Variants in NFU1 observed in about 807,000 individuals in gnomAD.
The protein encoded by NFU1 is NFU1 iron-sulfur cluster scaffold.
A neutral mutation model predicts 32.2 loss-of-function variants in NFU1; 30 were observed. The ratio of observed to expected loss-of-function variants is 0.93; its 90% confidence interval spans 0.70 to 1.26. The LOEUF (loss-of-function observed/expected upper bound fraction) is 1.26. NFU1 is among the 50% of genes most tolerant of loss of function. NFU1 has a pLI of 0.00. For synonymous variants in NFU1, 112 were observed against 104.6 expected (o/e 1.07, Z -0.43); for missense variants, 306 against 306.6 (o/e 1.00, Z 0.02).
At chr2:69,432,385 A>G (rs955121441) in intron 1 of NFU1, among the ~76,000 whole-genome samples, 4 of 151,780 alleles carry the variant, frequency 2.6e-5, no homozygotes, top group Non-Finnish European at 4.4e-5. Context: ...GACCAGCCTG[A>G]CCAACATGGA....
chr2:69,415,320 A>T (rs774943458), intron 4 of NFU1, 21 bp from the exon 5 acceptor site: 3 of 1,440,770 alleles, frequency 2.1e-6, no homozygotes, highest in Non-Finnish European at 2.9e-6. Flanking sequence ...TTAAAGGAAA[A>T]TGCTGTATTT....
At chr2:69,404,351 G>C (rs112913113) in intron 6 of NFU1, among the ~76,000 whole-genome samples, 5 of 149,834 alleles carry the variant, frequency 3.3e-5, no homozygotes, top group Admixed American at 6.6e-5. Flanking sequence ...AATTAGCTGG[G>C]TGTGGTGGTA....
chr2:69,429,010 C>T (rs1310194633), intron 2 of NFU1, among the ~76,000 whole-genome samples: 1 of 152,122 alleles, frequency 6.6e-6, no homozygotes, highest in Non-Finnish European at 1.5e-5. Flanking sequence ...GACAACCAGA[C>T]AATTCCTAAA....
chr2:69,427,192 C>T (rs1673487428), intron 2 of NFU1, among the ~76,000 whole-genome samples: 1 of 149,052 alleles, frequency 6.7e-6, no homozygotes, highest in East Asian at 2.0e-4. Context: ...TCCTGACCAG[C>T]CTGGCCAACA....
chr2:69,423,499 ATAGT>A, intron 3 of NFU1, 79 bp downstream of exon 3: 1 of 1,253,084 alleles, frequency 8.0e-7, no homozygotes, highest in African/African-American at 1.5e-5. Context: ...TAGAAATGCA[ATAGT>A]TAAACAGAGT....
intron 5 of NFU1, among the ~76,000 whole-genome samples, chr2:69,413,308 C>A (rs1199189054): frequency 1.3e-4 from 17 of 132,996 alleles, no homozygotes; most frequent in Admixed American, 4.5e-4. Flanking sequence ...GAAAAAAAAA[C>A]AAGGTACCAT....
chr2:69,418,568 G>A (rs567769367), intron 4 of NFU1, among the ~76,000 whole-genome samples: 3 of 152,188 alleles, frequency 2.0e-5, no homozygotes, highest in South Asian at 2.1e-4. Flanking sequence ...CCGGGTTCAC[G>A]CCATTCTCCT....
chr2:69,402,033 A>G (rs570671879), intron 6 of NFU1, among the ~76,000 whole-genome samples: 9 of 152,084 alleles, frequency 5.9e-5, no homozygotes, highest in Non-Finnish European at 1.3e-4. Context: ...AGCTGGGATC[A>G]CAGGCATGCA....
At chr2:69,399,075 G>T (rs552235675) in intron 7 of NFU1, among the ~76,000 whole-genome samples, 1 of 151,984 alleles carries the variant, frequency 6.6e-6, no homozygotes, top group African/African-American at 2.4e-5. Context: ...AAAAATGGTG[G>T]CATGTGCCTG....
chr2:69,433,730 C>T (rs1377952255), intron 1 of NFU1, among the ~76,000 whole-genome samples: 5 of 152,186 alleles, frequency 3.3e-5, no homozygotes, highest in African/African-American at 1.2e-4. Context: ...CCTGCCTTGG[C>T]CTCCCAAAAT....
At chr2:69,435,634 G>A (rs1383611295) in intron 1 of NFU1, among the ~76,000 whole-genome samples, 2 of 152,264 alleles carry the variant, frequency 1.3e-5, no homozygotes. Flanking sequence ...GATTGGCACC[G>A]AGGATTCAAG....
chr2:69,396,333 A>T (rs1350391497), intron 7 of NFU1, 43 bp from the exon 8 acceptor site: 6 of 1,474,032 alleles, frequency 4.1e-6, no homozygotes, highest in Non-Finnish European at 5.6e-6. Context: ...TAAGAAAATG[A>T]TTAGATTTTG....
chr2:69,426,454 T>G (rs1481101541), intron 2 of NFU1, among the ~76,000 whole-genome samples: 3 of 151,772 alleles, frequency 2.0e-5, no homozygotes, highest in Non-Finnish European at 4.4e-5. Context: ...CCCAGCTAAT[T>G]TTTGTATTTT....
intron 1 of NFU1, among the ~76,000 whole-genome samples, chr2:69,435,580 C>T (rs1673801821): frequency 6.6e-6 from 1 of 152,110 alleles, no homozygotes; most frequent in Non-Finnish European, 1.5e-5. Flanking sequence ...TACTGTGGGA[C>T]TGTAACCCAT....
intron 1 of NFU1, among the ~76,000 whole-genome samples, chr2:69,432,585 A>G (rs1478135937): frequency 1.3e-5 from 2 of 152,086 alleles, no homozygotes; most frequent in Non-Finnish European, 2.9e-5. Context: ...AAAAAAAAAA[A>G]GAAACAGAAT....
chr2:69,418,125 C>T (rs187298825), intron 4 of NFU1, among the ~76,000 whole-genome samples: 19 of 152,182 alleles, frequency 1.2e-4, no homozygotes, highest in African/African-American at 3.6e-4. Context: ...GGGGGCTGGA[C>T]GTGGTGGTTC....
chr2:69,411,603 T>A (rs1261994754), intron 5 of NFU1, among the ~76,000 whole-genome samples: 1 of 152,156 alleles, frequency 6.6e-6, no homozygotes, highest in East Asian at 1.9e-4. Flanking sequence ...CTTTTTATTT[T>A]TTTTTAAGAG....
chr2:69,404,889 G>A (rs1011328669), intron 6 of NFU1, among the ~76,000 whole-genome samples: 1 of 151,164 alleles, frequency 6.6e-6, no homozygotes, highest in Non-Finnish European at 1.5e-5. Flanking sequence ...CAAACAGCTG[G>A]GATTACAAGC....
At chr2:69,411,937 A>G (rs1672894101) in intron 5 of NFU1, among the ~76,000 whole-genome samples, 1 of 152,168 alleles carries the variant, frequency 6.6e-6, no homozygotes, top group Admixed American at 6.6e-5. Context: ...TAAAAAAGAC[A>G]TATGGGCCAG....
Sources: allele counts gnomAD v4.1 joint callset (sites outside exome capture counted in the v4.1 genomes callset), GRCh38; gene constraint gnomAD v4.1.1; transcripts MANE v1.5; gene names NCBI Gene and HGNC (gene_info 2026-07-23, HGNC 2026-07-21).